The following NSUN6 variants were observed in gnomAD, a reference collection of about 807,000 sequenced individuals.
NSUN6 encodes the protein tRNA (cytosine(72)-C(5))-methyltransferase NSUN6.
A neutral mutation model predicts 58.0 loss-of-function variants in NSUN6; 64 were observed. The ratio of observed to expected loss-of-function variants is 1.10; its 90% CI spans 0.90 to 1.36. NSUN6 has a LOEUF of 1.36. Ranked by LOEUF, NSUN6 falls within the 40% of genes most tolerant of loss-of-function variation. NSUN6 has a pLI of 0.00. For missense variants in NSUN6, 701 were observed against 550.1 expected, an observed-to-expected ratio of 1.27 and a Z score of -2.74; for synonymous variants, 231 against 193.9, an observed-to-expected ratio of 1.19 and a Z score of -1.59.
upstream of NSUN6, chr10:18,654,996 A>T: frequency 1.2e-6 from 1 of 864,548 alleles, no homozygotes; most frequent in Non-Finnish European, 1.4e-6. Context: ...GTTCATCTTT[A>T]TTTCTAGAAA....
intron 7 of NSUN6, among the ~76,000 whole-genome samples, chr10:18,593,522 C>T (rs1279516657): frequency 6.6e-6 from 1 of 152,146 alleles, no homozygotes; most frequent in African/African-American, 2.4e-5. Flanking sequence ...GAATACTAAG[C>T]AGCCATAAAA....
intron 3 of NSUN6, among the ~76,000 whole-genome samples, chr10:18,642,135 A>T (rs1000909928): frequency 3.0e-4 from 46 of 152,192 alleles, no homozygotes; most frequent in African/African-American, 1.1e-3. Context: ...TTTTTGTTGC[A>T]GCTCAAAAAA....
At chr10:18,588,054 T>G (rs927014202) in intron 7 of NSUN6, among the ~76,000 whole-genome samples, 6 of 152,086 alleles carry the variant, frequency 3.9e-5, no homozygotes, top group Non-Finnish European at 7.4e-5. Flanking sequence ...AGCACAGCAG[T>G]CTGGAGTCAA....
At chr10:18,565,171 C>G (rs2055834350) in intron 8 of NSUN6, among the ~76,000 whole-genome samples, 1 of 150,796 alleles carries the variant, frequency 6.6e-6, no homozygotes, top group African/African-American at 2.4e-5. Flanking sequence ...CATTCCCTTT[C>G]ATTCTCTGTT....
At chr10:18,584,977 T>C (rs17363677) in intron 8 of NSUN6, among the ~76,000 whole-genome samples, 4,159 of 127,732 alleles carry the variant, frequency 0.033, 188 homozygotes, top group African/African-American at 0.11. Context: ...CAAATAGATC[T>C]TTCAAAAATA....
chr10:18,585,731 C>T (rs1219124442), intron 8 of NSUN6, among the ~76,000 whole-genome samples: 1 of 152,162 alleles, frequency 6.6e-6, no homozygotes, highest in Non-Finnish European at 1.5e-5. Flanking sequence ...AGATCTACTG[C>T]ACAGCATGGT....
At chr10:18,557,192 G>A (rs987186546) in intron 8 of NSUN6, among the ~76,000 whole-genome samples, 11 of 150,882 alleles carry the variant, frequency 7.3e-5, no homozygotes, top group African/African-American at 1.5e-4. Flanking sequence ...TGGTGTGGAG[G>A]ATGGAATGCG....
chr10:18,585,870 T>C, intron 8 of NSUN6, 79 bp downstream of exon 8: 2 of 1,046,070 alleles, frequency 1.9e-6, no homozygotes, highest in Non-Finnish European at 2.8e-6. Context: ...TACAAAATTA[T>C]ATACATGTCA....
chr10:18,577,909 T>C (rs528012474), intron 8 of NSUN6, among the ~76,000 whole-genome samples: 4 of 152,234 alleles, frequency 2.6e-5, no homozygotes, highest in Admixed American at 2.0e-4. Context: ...CCCTAGCCAA[T>C]AGGGGAATGA....
chr10:18,551,406 TC>T lies in NSUN6; in HGVS notation c.1071+416del, dbSNP rs201273551. ...ACCACCATTCATCTCCAGAACTTTT[TC>T]ATTATCCCAAACTGCAAGTCTATAC... On this transcript the variant is annotated intron_variant, in intron 9 of 10. Coordinates refer to ENST00000377304, the MANE Select transcript of NSUN6 (RefSeq NM_182543.5). 8.0e-3 allele frequency among the ~76,000 whole-genome samples: 1,222 copies of T among 152,216 alleles called. 13 individuals are homozygous for T. The highest frequency in any genetic ancestry group is 0.034 in the South Asian group (162 of 4,814).
chr10:18,641,272 G>A (rs920556735), intron 3 of NSUN6, among the ~76,000 whole-genome samples: 4 of 151,824 alleles, frequency 2.6e-5, no homozygotes, highest in Non-Finnish European at 5.9e-5. Context: ...TAATTCTTAG[G>A]AGTTTAAAAA....
chr10:18,564,557 T>C (rs1263071097), intron 8 of NSUN6, among the ~76,000 whole-genome samples: 1 of 151,150 alleles, frequency 6.6e-6, no homozygotes, highest in Non-Finnish European at 1.5e-5. Context: ...TTCCATTCCA[T>C]TCTCTATTCC....
chr10:18,600,951 T>A (rs1313474637), intron 6 of NSUN6, among the ~76,000 whole-genome samples: 12 of 95,856 alleles, frequency 1.3e-4, no homozygotes, highest in African/African-American at 4.2e-4. Context: ...AATATATATA[T>A]ATATATATAC....
At chr10:18,572,542 T>A (rs540280739) in intron 8 of NSUN6, among the ~76,000 whole-genome samples, 1 of 95,628 alleles carries the variant, frequency 1.0e-5, no homozygotes, top group African/African-American at 4.2e-5. Flanking sequence ...TCCATTCCAT[T>A]TTCCATTCCA....
intron 6 of NSUN6, among the ~76,000 whole-genome samples, chr10:18,605,975 A>T (rs759170468): frequency 3.9e-5 from 6 of 152,340 alleles, no homozygotes; most frequent in Non-Finnish European, 8.8e-5. Flanking sequence ...AGTTGACTGA[A>T]GATAGTAAGT....
chr10:18,620,904 G>A (rs1037831315), intron 3 of NSUN6, among the ~76,000 whole-genome samples: 5 of 152,164 alleles, frequency 3.3e-5, no homozygotes, highest in African/African-American at 9.7e-5. Context: ...TGTAGTGTTA[G>A]ATTTTATGAA....
At position 18,551,530 on chromosome 10, in the gene NSUN6, G is replaced by A. The variant is rs544440252; in HGVS notation, c.1071+293C>T. On this transcript the variant is annotated intron_variant, in intron 9 of 10. Transcript: ENST00000377304. ...TGAATTTCCCAGCTACCTCATATAA[G>A]CAAAATCTTAAAGCATTTTTCCTTT... 4.6e-5 allele frequency among the ~76,000 whole-genome samples: 7 copies of A among 152,042 alleles called. No individual in the cohort carries two copies. The South Asian group carries it at 8.3e-4, about 18-fold the overall frequency.
upstream of NSUN6, chr10:18,655,196 A>T (rs911461962): frequency 1.0e-6 from 1 of 965,302 alleles, no homozygotes; most frequent in Non-Finnish European, 1.2e-6. Context: ...AACAAACAAC[A>T]TAGATTCTTA....
At chr10:18,574,390 T>A (rs1429000978) in intron 8 of NSUN6, among the ~76,000 whole-genome samples, 2 of 151,964 alleles carry the variant, frequency 1.3e-5, no homozygotes, top group African/African-American at 4.8e-5. Flanking sequence ...CCACCGAAAA[T>A]TCACTCAACC....
Sources: allele counts gnomAD v4.1 joint callset (sites outside exome capture counted in the v4.1 genomes callset), GRCh38; gene constraint gnomAD v4.1.1; transcripts MANE v1.5; gene names NCBI Gene and HGNC (gene_info 2026-07-23, HGNC 2026-07-21).